WDR64: variants seen among roughly 807,000 people sequenced by gnomAD.
WDR64 encodes the protein WD repeat domain 64.
In WDR64, 112 loss-of-function variants were observed where a neutral mutation model predicts 139.3. That is an observed-to-expected ratio of 0.80 (90% CI 0.69 to 0.94). WDR64 has a LOEUF of 0.94. WDR64 is among the 40% of genes least tolerant of loss of function. The pLI is 0.00. For synonymous variants in WDR64, 444 were observed against 437.7 expected, an observed-to-expected ratio of 1.01 and a Z score of -0.18; for missense variants, 1,206 against 1,293.1, an observed-to-expected ratio of 0.93 and a Z score of 1.03.
At chr1:241,757,892 T>G (rs1004334165) in intron 15 of WDR64, among the ~76,000 whole-genome samples, 1 of 152,130 alleles carries the variant, frequency 6.6e-6, no homozygotes, top group African/African-American at 2.4e-5. Flanking sequence ...TACCATTATT[T>G]TCTAAAATAT....
At position 241,790,716 on chromosome 1, in the gene WDR64, A is replaced by G. The variant is rs758826703; in HGVS notation, c.2997+20A>G. On this transcript the variant is annotated intron_variant, in intron 25 of 27. Transcript: ENST00000437684. Reference sequence around the variant, plus strand: ...CCTAAGGTAGCTTAAAAAAAAAAAAAAAAAAGAAATGGCAACAACAACAAA... The same window carrying G: ...CCTAAGGTAGCTTAAAAAAAAAAAAGAAAAAGAAATGGCAACAACAACAAA... The G allele has an allele frequency of 9.7e-6, 15 of 1,545,092 alleles. No individual in the cohort carries two copies. Among genetic ancestry groups the G allele is most frequent in the African/African-American group, 4.2e-5 (3 of 71,746 alleles).
chr1:241,666,247 C>T (rs912196783), intron 2 of WDR64, among the ~76,000 whole-genome samples: 1 of 152,160 alleles, frequency 6.6e-6, no homozygotes, highest in African/African-American at 2.4e-5. Context: ...AATTTGAGAT[C>T]GTAGAGGCTA....
In WDR64 at chr1:241,738,437, C is replaced by T. The variant is rs1375310530; in HGVS notation, c.1269C>T (p.Asp423=). The T allele has an allele frequency of 6.2e-7, 1 of 1,613,702 alleles. No homozygotes were observed. Among genetic ancestry groups the T allele is most frequent in the Non-Finnish European group, 8.5e-7 (1 of 1,179,866 alleles). The change falls in exon 11 of 28, where the codon GAC becomes GAT. Residue 423 remains aspartate (D), a synonymous_variant. Coordinates refer to ENST00000437684, the MANE Select transcript of WDR64 (RefSeq NM_001367482.1). ...VFHDSQGGPG[D]MQIYSMIYDA... is the part of the protein sequence containing the mutation. Reference sequence around the variant, plus strand: ...ATGACAGCCAGGGAGGACCAGGAGACATGCAGATTTACTCTATGATATATG... The same window carrying T: ...ATGACAGCCAGGGAGGACCAGGAGATATGCAGATTTACTCTATGATATATG...
intron 24 of WDR64, 30 bp from the exon 25 acceptor site, chr1:241,790,561 A>G: frequency 1.3e-6 from 2 of 1,523,686 alleles, no homozygotes; most frequent in Non-Finnish European, 1.8e-6. Flanking sequence ...AGGTATGGGT[A>G]TGTACTTATT....
chr1:241,666,701 A>G (rs1465335828), intron 2 of WDR64, among the ~76,000 whole-genome samples: 2 of 152,212 alleles, frequency 1.3e-5, no homozygotes, highest in Non-Finnish European at 2.9e-5. Flanking sequence ...ACAGTTACTG[A>G]AATGTTGACA....
chr1:241,776,841 A>C (rs1299646010), intron 21 of WDR64, among the ~76,000 whole-genome samples: 1 of 152,208 alleles, frequency 6.6e-6, no homozygotes, highest in Non-Finnish European at 1.5e-5. Flanking sequence ...GCCTATGCCT[A>C]GAATACTTTA....
At chr1:241,768,959 C>G (rs12562537) in intron 16 of WDR64, among the ~76,000 whole-genome samples, 13,656 of 152,094 alleles carry the variant, frequency 0.09, 808 homozygotes, top group East Asian at 0.15. Context: ...AATATTAGAA[C>G]TCTATTATTT....
chr1:241,673,646 A>T (rs867512977), intron 3 of WDR64, among the ~76,000 whole-genome samples: 4 of 152,214 alleles, frequency 2.6e-5, no homozygotes, highest in Non-Finnish European at 5.9e-5. Context: ...GGGGGGCAAT[A>T]TCTTCTCTGT....
intron 12 of WDR64, 113 bp downstream of exon 12, chr1:241,741,777 C>A (rs1574060097): frequency 2.7e-6 from 3 of 1,097,570 alleles, no homozygotes; most frequent in Admixed American, 3.5e-5. Flanking sequence ...TACGATGAGA[C>A]CATACATTAG....
chr1:241,760,891 G>A (rs1425078311), intron 15 of WDR64, among the ~76,000 whole-genome samples: 1 of 149,580 alleles, frequency 6.7e-6, no homozygotes, highest in Non-Finnish European at 1.5e-5. Context: ...TCAGCCTCCC[G>A]AGTAGCTGGG....
At chr1:241,698,657 T>C (rs1009440268) in intron 8 of WDR64, among the ~76,000 whole-genome samples, 1 of 152,106 alleles carries the variant, frequency 6.6e-6, no homozygotes, top group African/African-American at 2.4e-5. Context: ...TTTGTACATA[T>C]TTTGAGCCTG....
At chr1:241,779,920 C>T (rs185885810) in intron 21 of WDR64, 84 bp from the exon 22 acceptor site, 2 of 997,754 alleles carry the variant, frequency 2.0e-6, no homozygotes, top group African/African-American at 3.4e-5. Context: ...ATTATAAATA[C>T]CTAAATCAAA....
At chr1:241,687,429 A>G (rs760968748) in intron 7 of WDR64, 32 bp from the exon 8 acceptor site, 1 of 1,612,260 alleles carries the variant, frequency 6.2e-7, no homozygotes, top group Non-Finnish European at 8.5e-7. Context: ...TGTGTCTAAC[A>G]TAAATCTCCC....
At chr1:241,701,144 G>T (rs1667694321) in intron 8 of WDR64, among the ~76,000 whole-genome samples, 1 of 152,186 alleles carries the variant, frequency 6.6e-6, no homozygotes. Context: ...CAACTAGCAT[G>T]ATTTAATCAA....
chr1:241,683,689 A>C lies in WDR64; in HGVS notation c.827A>C (p.Lys276Thr), dbSNP rs973514889. The change falls in exon 7 of 28, where the codon AAG (lysine) becomes ACG (threonine). Residue 276 changes from lysine to threonine, a missense_variant. Lys to Thr is a moderately conservative substitution (Grantham distance 78). Coordinates refer to ENST00000437684, the MANE Select transcript of WDR64 (RefSeq NM_001367482.1). Reference protein sequence around the residue: ...RKLQNQVLDSKNFKSVKRKLH... With the variant: ...RKLQNQVLDSTNFKSVKRKLH... ...TTACAAAATCAGGTCTTAGACTCAAAGAACTTTAAAAGGTAAGAGTATCAT... is the reference window on the plus strand; with the variant it reads ...TTACAAAATCAGGTCTTAGACTCAACGAACTTTAAAAGGTAAGAGTATCAT... The C allele has an allele frequency of 7.9e-5, 123 of 1,549,026 alleles. 1 individual carries two copies. Among genetic ancestry groups the C allele is most frequent in the Non-Finnish European group, 1.0e-4 (118 of 1,145,488 alleles).
chr1:241,707,310 G>A (rs976878221), intron 8 of WDR64, among the ~76,000 whole-genome samples: 13 of 152,180 alleles, frequency 8.5e-5, no homozygotes, highest in Non-Finnish European at 1.9e-4. Context: ...CATAGGCTTT[G>A]CTGCCCCTGG....
chr1:241,735,178 A>T (rs1669249426), intron 10 of WDR64, among the ~76,000 whole-genome samples: 1 of 152,152 alleles, frequency 6.6e-6, no homozygotes, highest in South Asian at 2.1e-4. Context: ...ACCCCACTGC[A>T]GTTTTTCCCT....
In WDR64 at chr1:241,652,466, A is replaced by G; in HGVS notation, c.-19A>G. ...GCAGTATTCTTTCTGTACAGAAGTA[A>G]AAGATCCCCTATGTCCCTATGGATA... is the stretch of plus-strand genomic sequence containing the variant. On this transcript the variant is annotated 5_prime_UTR_variant, in exon 1 of 28. Coordinates refer to ENST00000437684, the MANE Select transcript of WDR64 (RefSeq NM_001367482.1). 6.5e-7 allele frequency: 1 copy of G among 1,548,450 alleles called. No individual in the cohort carries two copies. The highest frequency in any genetic ancestry group is 8.7e-7 in the Non-Finnish European group (1 of 1,146,166).
intron 10 of WDR64, among the ~76,000 whole-genome samples, chr1:241,736,263 G>A (rs12033730): frequency 0.16 from 24,342 of 151,954 alleles, 2,323 homozygotes; most frequent in East Asian, 0.29. Context: ...TTGGATCTAG[G>A]GAGATATATA....
Sources: allele counts gnomAD v4.1 joint callset (sites outside exome capture counted in the v4.1 genomes callset), GRCh38; gene constraint gnomAD v4.1.1; transcripts MANE v1.5; gene names NCBI Gene and HGNC (gene_info 2026-07-23, HGNC 2026-07-21).